MRPL48: variants seen among roughly 807,000 people sequenced by gnomAD.
The protein encoded by MRPL48 is mitochondrial ribosomal protein L48.
Under a neutral mutation model 32.9 loss-of-function variants are expected in MRPL48, and 16 were observed. That is an observed-to-expected ratio of 0.49 (90% confidence interval 0.33 to 0.74). The LOEUF is 0.74. Among genes scored for constraint, MRPL48 ranks in the 30% least tolerant of loss-of-function variants. The pLI, the probability that MRPL48 is intolerant of heterozygous loss-of-function variation, is 0.02. For synonymous variants in MRPL48, 94 were observed against 89.2 expected, an observed-to-expected ratio of 1.05 and a Z score of -0.31; for missense variants, 206 against 245.3, an observed-to-expected ratio of 0.84 and a Z score of 1.07.
chr11:73,803,470 G>T (rs543365840), intron 1 of MRPL48, among the ~76,000 whole-genome samples: 111 of 151,774 alleles, frequency 7.3e-4, no homozygotes, highest in Non-Finnish European at 1.5e-3. Flanking sequence ...AGCCAATATT[G>T]GTATATTAGC....
intron 2 of MRPL48, among the ~76,000 whole-genome samples, chr11:73,807,856 C>G (rs1947484297): frequency 6.6e-6 from 1 of 152,092 alleles, no homozygotes; most frequent in African/African-American, 2.4e-5. Flanking sequence ...GCAGGCTAGT[C>G]TCGAACTCTT....
At chr11:73,820,678 T>C (rs186700297) in intron 3 of MRPL48, among the ~76,000 whole-genome samples, 1 of 152,288 alleles carries the variant, frequency 6.6e-6, no homozygotes, top group Non-Finnish European at 1.5e-5. Context: ...ATTTTTTTCA[T>C]CCAGTACACT....
intron 3 of MRPL48, among the ~76,000 whole-genome samples, chr11:73,823,510 A>G (rs1443958319): frequency 2.0e-5 from 3 of 152,138 alleles, no homozygotes; most frequent in Admixed American, 2.0e-4. Context: ...AACAGGTGGG[A>G]CTTCTATTTA....
In MRPL48 at chr11:73,787,899, C is replaced by T; in HGVS notation, c.-73C>T. 5.1e-6 allele frequency: 8 copies of T among 1,578,034 alleles called. No homozygotes were observed. Among genetic ancestry groups the T allele is most frequent in the South Asian group, 1.1e-5 (1 of 87,498 alleles). ...GTCAAGGCCGTTCCTTCAGTGTTTT[C>T]AGACGCCCTGGGAACGCGGCTGCAG... On this transcript the variant is annotated 5_prime_UTR_variant, in exon 1 of 8. Coordinates refer to ENST00000310614, the MANE Select transcript of MRPL48 (RefSeq NM_016055.6).
intron 4 of MRPL48, among the ~76,000 whole-genome samples, chr11:73,834,665 C>T (rs1268214511): frequency 2.0e-5 from 3 of 151,794 alleles, no homozygotes; most frequent in African/African-American, 7.3e-5. Context: ...TCCCGAGTAG[C>T]TGGGACTACA....
chr11:73,790,062 A>ATTT (rs34534770), intron 1 of MRPL48, among the ~76,000 whole-genome samples: 7,573 of 103,292 alleles, frequency 0.073, 563 homozygotes, highest in South Asian at 0.15. Flanking sequence ...TGCTCAGCTA[A>ATTT]TTTTTTTTTT....
At chr11:73,797,112 C>G (rs765124392) in intron 1 of MRPL48, among the ~76,000 whole-genome samples, 2 of 152,114 alleles carry the variant, frequency 1.3e-5, no homozygotes, top group Non-Finnish European at 2.9e-5. Context: ...GAACAGACAT[C>G]GGGACAACCG....
intron 5 of MRPL48, among the ~76,000 whole-genome samples, chr11:73,853,029 G>A (rs539139840): frequency 1.2e-3 from 183 of 152,288 alleles, no homozygotes; most frequent in African/African-American, 4.3e-3. Context: ...TCATTTATTT[G>A]TGGGTGCTAA....
intron 4 of MRPL48, among the ~76,000 whole-genome samples, chr11:73,829,584 A>G (rs71479555): frequency 0.055 from 8,360 of 152,126 alleles, 255 homozygotes; most frequent in Middle Eastern, 0.11. Context: ...TGCCCATGCT[A>G]GTCTTCCGGT....
intron 4 of MRPL48, among the ~76,000 whole-genome samples, chr11:73,839,578 G>GA (rs1393320615): frequency 6.6e-6 from 1 of 151,906 alleles, no homozygotes; most frequent in Non-Finnish European, 1.5e-5. Context: ...ATGATCATGT[G>GA]AAAACAAAAA....
At chr11:73,795,115 C>T (rs986208390) in intron 1 of MRPL48, among the ~76,000 whole-genome samples, 11 of 151,322 alleles carry the variant, frequency 7.3e-5, no homozygotes, top group African/African-American at 2.2e-4. Context: ...GGGGTCTCAC[C>T]GTGTTGCCCA....
intron 6 of MRPL48, among the ~76,000 whole-genome samples, chr11:73,862,787 G>C (rs1050598571): frequency 1.3e-5 from 2 of 152,052 alleles, no homozygotes; most frequent in Non-Finnish European, 2.9e-5. Flanking sequence ...GGGACTGGTG[G>C]CACGTGCCTG....
intron 4 of MRPL48, among the ~76,000 whole-genome samples, chr11:73,830,279 C>A (rs537289652): frequency 6.6e-6 from 1 of 152,300 alleles, no homozygotes; most frequent in South Asian, 2.1e-4. Context: ...TCTGCAAACA[C>A]CTGGCTCCAG....
chr11:73,810,692 T>C (rs1428240979), intron 3 of MRPL48, among the ~76,000 whole-genome samples: 1 of 152,020 alleles, frequency 6.6e-6, no homozygotes. Flanking sequence ...TTTCTCCTAA[T>C]GTTATCTCTC....
At chr11:73,834,928 T>G (rs562555623) in intron 4 of MRPL48, among the ~76,000 whole-genome samples, 1 of 151,314 alleles carries the variant, frequency 6.6e-6, no homozygotes, top group Admixed American at 6.6e-5. Flanking sequence ...AACTCTTGAG[T>G]TTAAGCGATC....
chr11:73,861,518 C>T (rs1011641934), intron 6 of MRPL48, among the ~76,000 whole-genome samples: 9 of 152,006 alleles, frequency 5.9e-5, no homozygotes, highest in African/African-American at 1.7e-4. Context: ...TACAGGCATG[C>T]GCCACCATGC....
At chr11:73,845,226 T>C in intron 5 of MRPL48, 3 of 316,682 alleles carry the variant, frequency 9.5e-6, no homozygotes, top group Middle Eastern at 8.9e-4. Flanking sequence ...TCTGGCCCTA[T>C]TGTTTTAACT....
At chr11:73,841,210 ACTACT>A (rs1275167780) in intron 4 of MRPL48, among the ~76,000 whole-genome samples, 14 of 152,240 alleles carry the variant, frequency 9.2e-5, no homozygotes, top group Admixed American at 6.5e-5. Context: ...TAAATTGGAA[ACTACT>A]CTACAAAACT....
chr11:73,854,285 A>C (rs905688810), intron 5 of MRPL48, among the ~76,000 whole-genome samples: 1 of 151,860 alleles, frequency 6.6e-6, no homozygotes, highest in Non-Finnish European at 1.5e-5. Context: ...AATAGTTTCA[A>C]TGTTTTGTTT....
Sources: gnomAD v4.1 joint callset for allele counts (sites outside exome capture counted in the v4.1 genomes callset) on GRCh38, gnomAD v4.1.1 for gene constraint, MANE v1.5 for transcripts, NCBI Gene and HGNC (gene_info 2026-07-23, HGNC 2026-07-21) for gene names.